Variants in FMNL3 observed in about 807,000 individuals in gnomAD.
FMNL3 encodes the protein formin-like protein 3.
A neutral mutation model predicts 119.6 loss-of-function variants in FMNL3; 57 were observed. The ratio of observed to expected loss-of-function variants is 0.48; its 90% CI spans 0.39 to 0.59. The LOEUF (loss-of-function observed/expected upper bound fraction) is 0.59, where lower values mean the gene tolerates loss of function less well. Among genes scored for constraint, FMNL3 ranks in the 20% least tolerant of loss-of-function variants. FMNL3 has a pLI of 0.00. For missense variants in FMNL3, 1,053 were observed against 1,323.5 expected (o/e 0.80, Z 3.17); for synonymous variants, 491 against 507.3 (o/e 0.97, Z 0.43).
At chr12:49,659,536 G>A (rs1565875664) in intron 5 of FMNL3, among the ~76,000 whole-genome samples, 3 of 151,932 alleles carry the variant, frequency 2.0e-5, no homozygotes, top group South Asian at 2.1e-4. Flanking sequence ...TCAGCCTCCC[G>A]AGTAGCTGGG....
chr12:49,694,223 T>C (rs1944691263), intron 1 of FMNL3, among the ~76,000 whole-genome samples: 1 of 152,124 alleles, frequency 6.6e-6, no homozygotes, highest in South Asian at 2.1e-4. Context: ...CCCAGCCTAT[T>C]TTTGGAGATG....
At chr12:49,668,175 T>C (rs901732421) in intron 2 of FMNL3, among the ~76,000 whole-genome samples, 1 of 152,200 alleles carries the variant, frequency 6.6e-6, no homozygotes, top group African/African-American at 2.4e-5. Context: ...CTACCGGGCA[T>C]AGCCCTGAAC....
intron 7 of FMNL3, 66 bp from the exon 8 acceptor site, chr12:49,656,965 T>C: frequency 6.5e-7 from 1 of 1,541,378 alleles, no homozygotes; most frequent in Non-Finnish European, 9.0e-7. Context: ...GCCAATCTCC[T>C]TGACCGTAGG....
At chr12:49,671,660 C>CT (rs1565883191) in intron 1 of FMNL3, among the ~76,000 whole-genome samples, 1 of 152,236 alleles carries the variant, frequency 6.6e-6, no homozygotes, top group African/African-American at 2.4e-5. Context: ...GGAAGCCTCT[C>CT]TGCCCTTAGG....
At position 49,652,030 on chromosome 12, in the gene FMNL3, G is replaced by C. The variant is rs1318270100; in HGVS notation, c.1506C>G (p.Asp502Glu). The stretch of plus-strand genomic sequence containing the variant: ...GTGGGGCTGGAGCCAGAAGGTCCAG[G>C]TCGGAGGGTGGCATGCCCTCACTCA... ...AELSEGMPPS[D>E]LDLLAPAPPP... Residue 502 changes from aspartate to glutamate, a missense_variant, in exon 14 of 26, where the codon GAC becomes GAG. This residue lies in a region of FMNL3 where 445 missense variants were observed against 628.4 expected (regional missense o/e 0.71). Transcript: ENST00000335154. The C allele has an allele frequency of 6.2e-7, 1 of 1,609,184 alleles. No individual in the cohort carries two copies. Among genetic ancestry groups the C allele is most frequent in the Non-Finnish European group, 8.5e-7 (1 of 1,177,790 alleles).
chr12:49,707,308 G>GGGAACCCCC lies in FMNL3; in HGVS notation c.-129_-128insGGGGGTTCC. On this transcript the variant is annotated 5_prime_UTR_variant, in exon 1 of 26. Transcript: ENST00000335154. ...AGTCCCGACTCCTCGGCCCCGTCGA[G>GGGAACCCCC]GGCGCCGGGGGTTCCCTGGAGTCCC... 2.3e-6 allele frequency: 2 copies of GGGAACCCCC among 873,474 alleles called. No individual in the cohort carries two copies. Among genetic ancestry groups the GGGAACCCCC allele is most frequent in the Non-Finnish European group, 3.2e-6 (2 of 628,602 alleles). The allele number at this position is 873,474 out of a possible 1,614,324, so 54.1% of individuals were successfully genotyped here.
rs771501482 is a variant in FMNL3, at chr12:49,644,195, C to A, written c.*1620G>T. ...AGCAGCTGGATGATCACCAGTGACCCAATGAGCTGTTCTCTGCCTCGGGTC... is the reference window on the plus strand; with the variant it reads ...AGCAGCTGGATGATCACCAGTGACCAAATGAGCTGTTCTCTGCCTCGGGTC... On this transcript the variant is annotated 3_prime_UTR_variant, in exon 26 of 26. Coordinates refer to ENST00000335154, the MANE Select transcript of FMNL3 (RefSeq NM_175736.5). The A allele has an allele frequency of 4.3e-6, 7 of 1,613,924 alleles. No individual in the cohort carries two copies. In the East Asian group the frequency reaches 8.9e-5, roughly 21 times the overall value.
At position 49,636,643 on chromosome 12, in the gene FMNL3, A is replaced by C. The variant is rs573314221; in HGVS notation, c.*9172T>G. 6 of 1,595,330 alleles carry C rather than the reference A, an allele frequency of 3.8e-6. No individual in the cohort carries two copies. In the African/African-American group the frequency reaches 6.7e-5, roughly 18 times the overall value. On this transcript the variant is annotated 3_prime_UTR_variant, in exon 26 of 26. Coordinates refer to ENST00000335154, the MANE Select transcript of FMNL3 (RefSeq NM_175736.5). ...GCACCTGTAGGACAGCATCGTTGAA[A>C]CATTAGGGGTGCTGGGGTCTGAGAG...
rs1478954363 is a variant in FMNL3, at chr12:49,641,128, A to G, written c.*4687T>C. The G allele has an allele frequency of 1.3e-5, 2 of 152,246 alleles. No homozygotes were observed. Among genetic ancestry groups the G allele is most frequent in the Non-Finnish European group, 2.9e-5 (2 of 68,050 alleles). 9.4% of individuals were successfully genotyped at this position (152,246 alleles called of 1,614,324 possible). ...TTTACCACTCATGTCATCTTGGGCC[A>G]ACTGAGATCACTTTTCTAAGCCTCT... On this transcript the variant is annotated 3_prime_UTR_variant, in exon 26 of 26. Coordinates refer to ENST00000335154, the MANE Select transcript of FMNL3 (RefSeq NM_175736.5).
chr12:49,688,853 G>A (rs190535162), intron 1 of FMNL3, among the ~76,000 whole-genome samples: 88 of 152,248 alleles, frequency 5.8e-4, no homozygotes, highest in Non-Finnish European at 9.1e-4. Flanking sequence ...ACAAACATTG[G>A]ACACTGTTAC....
At chr12:49,651,091 T>A in intron 16 of FMNL3, 77 bp downstream of exon 16, 1 of 1,581,542 alleles carries the variant, frequency 6.3e-7, no homozygotes, top group South Asian at 1.1e-5. Flanking sequence ...ATGGCTTTTC[T>A]AAGACCAGAA....
intron 1 of FMNL3, among the ~76,000 whole-genome samples, chr12:49,675,213 G>A (rs144553925): frequency 1.5e-4 from 23 of 152,252 alleles, no homozygotes; most frequent in African/African-American, 4.3e-4. Flanking sequence ...TACAATCTCC[G>A]ATAGGAGCTT....
At chr12:49,698,551 C>T (rs1944817200) in intron 1 of FMNL3, among the ~76,000 whole-genome samples, 1 of 150,858 alleles carries the variant, frequency 6.6e-6, no homozygotes, top group African/African-American at 2.4e-5. Flanking sequence ...CTATCCATGT[C>T]CTCCCCTACC....
Position 49,637,869 on chromosome 12 carries a change from GCACACT to G in FMNL3, c.*7940_*7945del, listed in dbSNP as rs1942063141. ...TGGATGGATACAGGATGGATGCAGG[GCACACT>G]CCCTGCAGAGGACTCCCTGATAAGT... On this transcript the variant is annotated 3_prime_UTR_variant, in exon 26 of 26. Coordinates refer to ENST00000335154, the MANE Select transcript of FMNL3 (RefSeq NM_175736.5). 1.3e-6 allele frequency: 2 copies of G among 1,486,320 alleles called. No homozygotes were observed. The highest frequency in any genetic ancestry group is 1.9e-6 in the Non-Finnish European group (2 of 1,067,178). 92.1% of individuals were successfully genotyped at this position (1,486,320 alleles called of 1,614,324 possible). A position where few individuals can be genotyped will look rare whatever the true frequency, so the allele number is the denominator to read the frequency against.
chr12:49,674,105 G>A (rs919476012), intron 1 of FMNL3, among the ~76,000 whole-genome samples: 6 of 152,276 alleles, frequency 3.9e-5, no homozygotes, highest in Middle Eastern at 6.8e-3. Flanking sequence ...GCCTGGCTTC[G>A]CTGCCAACCT....
intron 1 of FMNL3, among the ~76,000 whole-genome samples, chr12:49,673,342 G>A (rs1025512613): frequency 1.3e-5 from 2 of 152,210 alleles, no homozygotes; most frequent in African/African-American, 4.8e-5. Context: ...ACAAAATTTG[G>A]GAGTCCAGAA....
At chr12:49,688,906 G>A (rs75980005) in intron 1 of FMNL3, among the ~76,000 whole-genome samples, 3,393 of 152,254 alleles carry the variant, frequency 0.022, 133 homozygotes, top group African/African-American at 0.078. Context: ...TATGAACAAG[G>A]CATTGTTAAT....
chr12:49,669,217 C>T (rs1018657918), intron 1 of FMNL3, among the ~76,000 whole-genome samples: 1 of 152,168 alleles, frequency 6.6e-6, no homozygotes, highest in Non-Finnish European at 1.5e-5. Context: ...CACAAAAGTA[C>T]CAGACTTTAA....
Position 49,647,878 on chromosome 12 carries a change from C to G in FMNL3, c.2677-74G>C. 1 of 1,240,572 alleles carries G rather than the reference C, an allele frequency of 8.1e-7. No homozygotes were observed. The highest frequency in any genetic ancestry group is 1.2e-5 in the South Asian group (1 of 80,246). 76.8% of individuals were successfully genotyped at this position (1,240,572 alleles called of 1,614,324 possible). ...CAGCTCCCACACCACGGATGAGAGG[C>G]CTGCAGAAAGCAGAGCCCAGGGCCA... On this transcript the variant is annotated intron_variant, in intron 22 of 25. Transcript: ENST00000335154. The surrounding 1 kb of genome is among the most constrained non-coding windows in gnomAD (Gnocchi z 4.9).
Sources: allele counts gnomAD v4.1 joint callset (sites outside exome capture counted in the v4.1 genomes callset), GRCh38; gene constraint gnomAD v4.1.1; regional missense constraint gnomAD v4.1.1; non-coding constraint Gnocchi (gnomAD v3.1); transcripts MANE v1.5; gene names NCBI Gene and HGNC (gene_info 2026-07-23, HGNC 2026-07-21).